The following KLB variants were observed in gnomAD, a reference collection of about 807,000 sequenced individuals.
KLB encodes klotho beta, also known as beta-klotho.
In KLB, 44 loss-of-function variants were observed where a neutral mutation model predicts 88.4. That is an observed-to-expected ratio of 0.50 (90% CI 0.39 to 0.64). KLB has a LOEUF of 0.64. KLB is among the 30% of genes least tolerant of loss of function. The pLI is 0.00. For missense variants in KLB, 1,137 were observed against 1,304.8 expected (o/e 0.87, Z 1.98); for synonymous variants, 548 against 513.4 (o/e 1.07, Z -0.91).
rs920990007 is a variant in KLB at position 39,451,266 on chromosome 4, C to T, written c.*2580C>T. 6.6e-6 allele frequency: 1 copy of T among 152,204 alleles called. No homozygotes were observed. The highest frequency in any genetic ancestry group is 1.5e-5 in the Non-Finnish European group (1 of 68,046). The allele number at this position is 152,204 out of a possible 1,614,324, so 9.4% of individuals were successfully genotyped here. ...ACTAAATATTCAGGTTTATCATAAA[C>T]TCCTTAAAAACCATCAAAGGTCAAC... is the stretch of plus-strand genomic sequence containing the variant. On this transcript the variant is annotated 3_prime_UTR_variant, in exon 5 of 5. Coordinates refer to ENST00000257408, the MANE Select transcript of KLB (RefSeq NM_175737.4).
intron 1 of KLB, among the ~76,000 whole-genome samples, chr4:39,418,746 A>G (rs2109824044): frequency 6.6e-6 from 1 of 151,688 alleles, no homozygotes; most frequent in African/African-American, 2.4e-5. Flanking sequence ...TCAGGAGTTC[A>G]AGATTAGACT....
chr4:39,430,593 A>ATTTTTTTTTTTT (rs373054180), intron 1 of KLB, among the ~76,000 whole-genome samples: 2 of 87,678 alleles, frequency 2.3e-5, no homozygotes, highest in African/African-American at 8.1e-5. Context: ...CTGAGAGGAA[A>ATTTTTTTTTTTT]TTTTTTTTTT....
chr4:39,423,819 C>A (rs756457424), intron 1 of KLB, among the ~76,000 whole-genome samples: 13 of 151,564 alleles, frequency 8.6e-5, no homozygotes, highest in Admixed American at 1.3e-4. Flanking sequence ...GAGCCTGAGA[C>A]TTTTACAATA....
chr4:39,427,948 C>T (rs1743256690), intron 1 of KLB, among the ~76,000 whole-genome samples: 1 of 152,144 alleles, frequency 6.6e-6, no homozygotes, highest in African/African-American at 2.4e-5. Flanking sequence ...GCCCAGGTCT[C>T]CTGCTTTCAA....
chr4:39,409,295 C>CTT (rs59119086), intron 1 of KLB, among the ~76,000 whole-genome samples: 13 of 140,436 alleles, frequency 9.3e-5, no homozygotes, highest in Admixed American at 2.2e-4. Context: ...TTTTAATTTT[C>CTT]TTTTTTTTTT....
At chr4:39,443,350 C>A (rs577788825) in intron 3 of KLB, among the ~76,000 whole-genome samples, 1 of 150,246 alleles carries the variant, frequency 6.7e-6, no homozygotes, top group African/African-American at 2.5e-5. Flanking sequence ...GGCGACAGGG[C>A]AAGACCCTGT....
chr4:39,440,338 T>C (rs1205867077), intron 3 of KLB, among the ~76,000 whole-genome samples: 1 of 150,580 alleles, frequency 6.6e-6, no homozygotes, highest in Non-Finnish European at 1.5e-5. Flanking sequence ...AGAGATGGGG[T>C]TTCACTTTGT....
At position 39,448,623 on chromosome 4, in the gene KLB, G is replaced by C. The variant is rs774390540; in HGVS notation, c.3072G>C (p.Lys1024Asn). The C allele has an allele frequency of 6.2e-7, 1 of 1,613,926 alleles. No homozygotes were observed. Among genetic ancestry groups the C allele is most frequent in the Non-Finnish European group, 8.5e-7 (1 of 1,180,012 alleles). Residue 1024 changes from lysine to asparagine, a missense_variant, in exon 5 of 5, where the codon AAG becomes AAC. By Grantham distance (94) the Lys-to-Asn change is moderately conservative. This residue lies in a region of KLB where 426 missense variants were observed against 404.6 expected (regional missense o/e 1.05). Transcript: ENST00000257408. The stretch of plus-strand genomic sequence containing the variant: ...TTTTTCAAAGGCAGAAGAGAAGAAA[G>C]TTTTGGAAAGCAAAAAACTTACAAC... ...IAIFQRQKRR[K>N]FWKAKNLQHI...
chr4:39,447,656 A>G (rs1743788449), intron 4 of KLB, among the ~76,000 whole-genome samples, 181 bp downstream of exon 4: 1 of 152,242 alleles, frequency 6.6e-6, no homozygotes, highest in East Asian at 1.9e-4. Flanking sequence ...TTAAAATCAT[A>G]AAAGTAACAC....
At chr4:39,429,991 C>T (rs1413226969) in intron 1 of KLB, among the ~76,000 whole-genome samples, 3 of 152,162 alleles carry the variant, frequency 2.0e-5, no homozygotes, top group African/African-American at 4.8e-5. Flanking sequence ...CACTGTGGAA[C>T]GTGAAGGTCA....
chr4:39,437,693 C>A (rs373952867), intron 2 of KLB, 34 bp from the exon 3 acceptor site: 11 of 1,573,694 alleles, frequency 7.0e-6, no homozygotes, highest in Non-Finnish European at 9.5e-6. Flanking sequence ...ATGTTTAGGC[C>A]TCTGAACATC....
chr4:39,430,919 T>TG (rs1376441029), intron 1 of KLB, among the ~76,000 whole-genome samples: 1 of 148,896 alleles, frequency 6.7e-6, no homozygotes, highest in Non-Finnish European at 1.5e-5. Context: ...TGGAAAGTTT[T>TG]TTTTTTTTTT....
chr4:39,414,146 T>G (rs968182095), intron 1 of KLB, among the ~76,000 whole-genome samples: 2 of 152,078 alleles, frequency 1.3e-5, no homozygotes, highest in African/African-American at 4.8e-5. Context: ...AGACAACTGG[T>G]TAAAGACATG....
intron 1 of KLB, among the ~76,000 whole-genome samples, chr4:39,410,771 G>A (rs894166612): frequency 6.6e-6 from 1 of 152,112 alleles, no homozygotes; most frequent in African/African-American, 2.4e-5. Flanking sequence ...ATTCTGGGGG[G>A]GTATGGACCC....
At chr4:39,415,529 T>G (rs1247798266) in intron 1 of KLB, among the ~76,000 whole-genome samples, 3 of 152,074 alleles carry the variant, frequency 2.0e-5, no homozygotes, top group Non-Finnish European at 2.9e-5. Context: ...TTCAAAAATA[T>G]TTAAGTCATA....
Position 39,448,368 on chromosome 4 carries a change from AC to A in KLB, c.2820del (p.Arg941AspfsTer21). The A allele has an allele frequency of 6.2e-7, 1 of 1,613,170 alleles. No homozygotes were observed. Among genetic ancestry groups the A allele is most frequent in the Non-Finnish European group, 8.5e-7 (1 of 1,179,088 alleles). On this transcript the variant is annotated frameshift_variant, in exon 5 of 5. Coordinates refer to ENST00000257408, the MANE Select transcript of KLB (RefSeq NM_175737.4). LOFTEE classifies it low-confidence loss of function (END_TRUNC). ...TCAAACTGGCTGAAGAGAAATCTAA[AC>A]CCAGATTTGGATTCTTCACATCTGA... ...AFKLAEEKSK[P>X]RFGFFTSDFK...
At chr4:39,445,504 CTT>C (rs10634518) in intron 3 of KLB, among the ~76,000 whole-genome samples, 11 of 131,660 alleles carry the variant, frequency 8.4e-5, no homozygotes, top group Non-Finnish European at 8.0e-5. Flanking sequence ...CTTTTCTTTT[CTT>C]TTTTTTTTTT....
In KLB at chr4:39,407,420, G is replaced by A; in HGVS notation, c.471G>A (p.Arg157=). 8 of 1,613,986 alleles carry A rather than the reference G, an allele frequency of 5.0e-6. No homozygotes were observed. Among genetic ancestry groups the A allele is most frequent in the Non-Finnish European group, 6.8e-6 (8 of 1,179,944 alleles). The change falls in exon 1 of 5, where the codon AGG becomes AGA. Residue 157 remains arginine, a synonymous_variant. Coordinates refer to ENST00000257408, the MANE Select transcript of KLB (RefSeq NM_175737.4). The stretch of plus-strand genomic sequence containing the variant: ...ATCAATTTTCAATTTCCTGGCCAAG[G>A]CTTTTCCCCGATGGAATAGTAACAG... ...SFYQFSISWP[R]LFPDGIVTVA... is the part of the protein sequence containing the mutation.
rs892184892 is a variant in KLB at position 39,450,341 on chromosome 4, G to C, written c.*1655G>C. ...TAACAGTCACAAGAGACGTTCTTCT[G>C]TTACAAAGCCTTAGTAAATTAAGGC... On this transcript the variant is annotated 3_prime_UTR_variant, in exon 5 of 5. Coordinates refer to ENST00000257408, the MANE Select transcript of KLB (RefSeq NM_175737.4). The C allele has an allele frequency of 6.6e-6, 1 of 152,180 alleles. No homozygotes were observed. The highest frequency in any genetic ancestry group is 6.5e-5 in the Admixed American group (1 of 15,282). The allele number at this position is 152,180 out of a possible 1,614,324, so 9.4% of individuals were successfully genotyped here. A position where few individuals can be genotyped will look rare whatever the true frequency, so the allele number is the denominator to read the frequency against.
Sources: gnomAD v4.1 joint callset for allele counts (sites outside exome capture counted in the v4.1 genomes callset) on GRCh38, gnomAD v4.1.1 for gene constraint, gnomAD v4.1.1 regional missense constraint, MANE v1.5 for transcripts, NCBI Gene and HGNC (gene_info 2026-07-23, HGNC 2026-07-21) for gene names.